The following DLGAP4 variants were observed in gnomAD, a reference collection of about 807,000 sequenced individuals.
DLGAP4 encodes the protein disks large-associated protein 4.
Under a neutral mutation model 86.9 loss-of-function variants are expected in DLGAP4, and 18 were observed. The ratio of observed to expected loss-of-function variants is 0.21; its 90% CI spans 0.14 to 0.31. The LOEUF is 0.31. Ranked by LOEUF, DLGAP4 falls within the 10% of genes least tolerant of loss-of-function variation. The pLI is 1.00. For synonymous variants in DLGAP4, 548 were observed against 574.3 expected, an observed-to-expected ratio of 0.95 and a Z score of 0.65; for missense variants, 1,085 against 1,362.6, an observed-to-expected ratio of 0.80 and a Z score of 3.21.
Position 36,432,724 on chromosome 20 carries a change from TC to T in DLGAP4, c.999+9del, listed in dbSNP as rs769971644. ...GCCTACCATTACCTGCAGGTGGGTC[TC>T]TGGCAGGGTCAGGGGTGGGATGAGG... On this transcript the variant is annotated intron_variant, in intron 3 of 12. Transcript: ENST00000339266. This position sits in a 1 kb window ranked among gnomAD's most constrained non-coding sequence, Gnocchi z 6.5. The T allele has an allele frequency of 6.2e-7, 1 of 1,611,802 alleles. No homozygotes were observed. Among genetic ancestry groups the T allele is most frequent in the Admixed American group, 1.7e-5 (1 of 59,704 alleles).
At chr20:36,526,250 G>A in intron 12 of DLGAP4, 1 of 625,186 alleles carries the variant, frequency 1.6e-6, no homozygotes, top group South Asian at 1.9e-5. Flanking sequence ...GGGGATCCTG[G>A]GAGAGGCACG....
At chr20:36,463,502 G>A (rs371753186) in intron 7 of DLGAP4, among the ~76,000 whole-genome samples, 4 of 152,164 alleles carry the variant, frequency 2.6e-5, no homozygotes, top group Non-Finnish European at 5.9e-5. Context: ...CCACTACCTG[G>A]TTATTCGAGA....
rs545323511 is a variant in DLGAP4, at chr20:36,464,291, G to A, written c.1648+17354G>A. ...ATCCCTCAAGAATTGTGTGAGCAGCGGCTCACTCCTGTAATCCTAGCACTT... is the reference window on the plus strand; with the variant it reads ...ATCCCTCAAGAATTGTGTGAGCAGCAGCTCACTCCTGTAATCCTAGCACTT... On this transcript the variant is annotated intron_variant, in intron 7 of 12. Coordinates refer to ENST00000339266, the MANE Select transcript of DLGAP4 (RefSeq NM_001365621.2). Among the ~76,000 whole-genome samples, 4 of 152,312 alleles carry A rather than the reference G, an allele frequency of 2.6e-5. No individual in the cohort carries two copies. In the South Asian group the frequency reaches 8.3e-4, roughly 32 times the overall value.
chr20:36,490,365 T>TG (rs111474831), intron 7 of DLGAP4, among the ~76,000 whole-genome samples: 1,850 of 152,236 alleles, frequency 0.012, 44 homozygotes, highest in African/African-American at 0.042. Flanking sequence ...GATTTGAGGC[T>TG]GGGTGGGTGG....
At chr20:36,336,200 C>T (rs782436807) in intron 1 of DLGAP4, among the ~76,000 whole-genome samples, 5 of 152,268 alleles carry the variant, frequency 3.3e-5, no homozygotes, top group African/African-American at 9.6e-5. Context: ...TGGCTGACGA[C>T]GAGACAAAGG....
intron 1 of DLGAP4, among the ~76,000 whole-genome samples, chr20:36,328,968 G>T (rs899901002): frequency 1.3e-5 from 2 of 152,138 alleles, no homozygotes; most frequent in Non-Finnish European, 2.9e-5. Flanking sequence ...TAGAGATGGG[G>T]TGTCACCATA....
intron 1 of DLGAP4, among the ~76,000 whole-genome samples, chr20:36,366,776 G>A (rs143221674): frequency 3.3e-5 from 5 of 152,322 alleles, no homozygotes; most frequent in African/African-American, 4.8e-5. Context: ...CCAGCTTCCC[G>A]ACTGCTGTGG....
intron 10 of DLGAP4, among the ~76,000 whole-genome samples, chr20:36,511,998 A>G (rs925515067): frequency 1.3e-5 from 2 of 151,672 alleles, no homozygotes; most frequent in Admixed American, 6.6e-5. Context: ...TTGGATTTGC[A>G]TCATAAATGA....
chr20:36,515,038 G>C (rs1205406545), intron 10 of DLGAP4, among the ~76,000 whole-genome samples: 1 of 152,158 alleles, frequency 6.6e-6, no homozygotes, highest in African/African-American at 2.4e-5. Flanking sequence ...AGGCCCACCA[G>C]TCACTCCAAG....
chr20:36,354,435 A>C (rs2030259892), intron 1 of DLGAP4, among the ~76,000 whole-genome samples: 1 of 152,230 alleles, frequency 6.6e-6, no homozygotes, highest in Non-Finnish European at 1.5e-5. Context: ...AAATTTTTGC[A>C]GTGCACAACA....
At chr20:36,422,056 G>A (rs530672652) in intron 2 of DLGAP4, among the ~76,000 whole-genome samples, 1 of 152,218 alleles carries the variant, frequency 6.6e-6, no homozygotes, top group Admixed American at 6.5e-5. Flanking sequence ...GGTTGAGCAC[G>A]GGAAGGGTGC....
At chr20:36,436,458 G>T (rs532565752) in intron 4 of DLGAP4, 108 bp downstream of exon 4, 11 of 1,421,016 alleles carry the variant, frequency 7.7e-6, no homozygotes, top group South Asian at 3.1e-5. Context: ...CCGCCTGCGT[G>T]GGAGCCACGC....
chr20:36,352,371 T>C (rs2030185034), intron 1 of DLGAP4, among the ~76,000 whole-genome samples: 1 of 145,560 alleles, frequency 6.9e-6, no homozygotes, highest in Non-Finnish European at 1.5e-5. Context: ...GAGACTGGAC[T>C]GAAGGGATCA....
chr20:36,462,518 C>G (rs2034138962), intron 7 of DLGAP4: 3 of 1,601,140 alleles, frequency 1.9e-6, no homozygotes, highest in Admixed American at 1.7e-5. Flanking sequence ...CTCCCTCTCC[C>G]TTTTTCTGTC....
At chr20:36,328,474 G>GT (rs111240421) in intron 1 of DLGAP4, among the ~76,000 whole-genome samples, 12,703 of 141,956 alleles carry the variant, frequency 0.089, 1,456 homozygotes, top group African/African-American at 0.27. Flanking sequence ...AAACTGGCAG[G>GT]TTTTTTTTTT....
At chr20:36,383,184 T>G (rs2031467322) in intron 2 of DLGAP4, among the ~76,000 whole-genome samples, 1 of 152,204 alleles carries the variant, frequency 6.6e-6, no homozygotes, top group African/African-American at 2.4e-5. Flanking sequence ...ACTGAAGTCC[T>G]GAGGGTCCTT....
Position 36,500,427 on chromosome 20 carries a change from G to A in DLGAP4, c.2328G>A (p.Ser776=), listed in dbSNP as rs199635698. The A allele has an allele frequency of 1.1e-5, 18 of 1,575,950 alleles. No individual in the cohort carries two copies. The highest frequency in any genetic ancestry group is 6.7e-5 in the African/African-American group (5 of 74,246). The change falls in exon 10 of 13, where the codon TCG becomes TCA. Residue 776 remains serine, a synonymous_variant. Transcript: ENST00000339266. The surrounding 1 kb of genome is among the most constrained non-coding windows in gnomAD (Gnocchi z 4.6). ...DNSDPALEAS[S]LPPPDPWLET... is the part of the protein sequence containing the mutation. ...GCGACCCTGCCCTAGAGGCGTCCTC[G>A]CTGCCCCCACCCGACCCCTGGCTCG... is the stretch of plus-strand genomic sequence containing the variant.
intron 12 of DLGAP4, among the ~76,000 whole-genome samples, chr20:36,526,297 CA>C (rs11290347): frequency 0.039 from 5,980 of 152,128 alleles, 396 homozygotes; most frequent in African/African-American, 0.14. Flanking sequence ...GAGGAGGCAG[CA>C]AAAATGGTCC....
intron 12 of DLGAP4, 172 bp downstream of exon 12, chr20:36,526,178 G>A (rs886955041): frequency 3.3e-5 from 30 of 917,174 alleles, no homozygotes; most frequent in East Asian, 5.2e-5. Flanking sequence ...CTGGCATGCC[G>A]CTTGCTCCGT....
Sources: allele counts gnomAD v4.1 joint callset (sites outside exome capture counted in the v4.1 genomes callset), GRCh38; gene constraint gnomAD v4.1.1; non-coding constraint Gnocchi (gnomAD v3.1); transcripts MANE v1.5; gene names NCBI Gene and HGNC (gene_info 2026-07-23, HGNC 2026-07-21).